TRAF3: variants seen among roughly 807,000 people sequenced by gnomAD.
The protein encoded by TRAF3 is TNF receptor-associated factor 3.
In TRAF3, 13 loss-of-function variants were observed where a neutral mutation model predicts 62.3. The observed-to-expected ratio is 0.21, with a 90% CI of 0.14 to 0.33. TRAF3 has a LOEUF of 0.33. Ranked by LOEUF, TRAF3 falls within the 10% of genes least tolerant of loss-of-function variation. The pLI, the probability that TRAF3 is intolerant of heterozygous loss-of-function variation, is 1.00. For synonymous variants in TRAF3, 269 were observed against 283.4 expected (o/e 0.95, Z 0.51); for missense variants, 440 against 741.8 (o/e 0.59, Z 4.73).
At chr14:102,881,395 C>CAAAAAAAAAAAAAA (rs57546209) in intron 6 of TRAF3, among the ~76,000 whole-genome samples, 3 of 117,434 alleles carry the variant, frequency 2.6e-5, no homozygotes, top group African/African-American at 2.7e-5. Flanking sequence ...ACAACAAAAA[C>CAAAAAAAAAAAAAA]AAAAAAAAAA....
intron 9 of TRAF3, 103 bp from the exon 10 acceptor site, chr14:102,897,158 A>G (rs1048724420): frequency 2.0e-5 from 22 of 1,076,360 alleles, no homozygotes; most frequent in African/African-American, 6.4e-5. Flanking sequence ...AACTCTGTCA[A>G]TAAGCTAACA....
chr14:102,868,094 C>T (rs957911731), intron 2 of TRAF3, among the ~76,000 whole-genome samples: 3 of 152,170 alleles, frequency 2.0e-5, no homozygotes, highest in African/African-American at 4.8e-5. Flanking sequence ...CCCAGGAGCT[C>T]AGGGGTGGAA....
chr14:102,820,614 A>ATTTTT (rs57149106), intron 1 of TRAF3, among the ~76,000 whole-genome samples: 3 of 17,916 alleles, frequency 1.7e-4, no homozygotes, highest in African/African-American at 1.2e-3. Context: ...ATATATATAT[A>ATTTTT]TTTTTTTTTT....
At chr14:102,887,626 G>T (rs943492023) in intron 7 of TRAF3, among the ~76,000 whole-genome samples, 1 of 151,168 alleles carries the variant, frequency 6.6e-6, no homozygotes, top group African/African-American at 2.4e-5. Context: ...ACGGAGTCTC[G>T]CTCTGTCACT....
At chr14:102,812,835 C>T (rs957738583) in intron 1 of TRAF3, among the ~76,000 whole-genome samples, 4 of 151,706 alleles carry the variant, frequency 2.6e-5, no homozygotes, top group Non-Finnish European at 4.4e-5. Flanking sequence ...AGGAGAATGG[C>T]GTGAACCCAG....
intron 10 of TRAF3, among the ~76,000 whole-genome samples, chr14:102,900,928 T>G (rs1349459496): frequency 6.6e-6 from 1 of 152,230 alleles, no homozygotes; most frequent in Non-Finnish European, 1.5e-5. Context: ...TTATAGAAAC[T>G]GCAGTGACTG....
At chr14:102,866,663 G>A (rs1280612255) in intron 2 of TRAF3, among the ~76,000 whole-genome samples, 1 of 152,048 alleles carries the variant, frequency 6.6e-6, no homozygotes, top group East Asian at 1.9e-4. Context: ...GGGGAACATA[G>A]CGAGACCCCC....
intron 1 of TRAF3, among the ~76,000 whole-genome samples, chr14:102,815,771 A>G (rs1052551417): frequency 6.6e-6 from 1 of 152,190 alleles, no homozygotes; most frequent in Non-Finnish European, 1.5e-5. Context: ...ATCAAGGCAG[A>G]CGGGGAAGCA....
Position 102,777,515 on chromosome 14 carries a change from G to T in TRAF3, c.-317G>T, listed in dbSNP as rs1362634651. On this transcript the variant is annotated 5_prime_UTR_variant, in exon 1 of 12. Transcript: ENST00000392745. ...GCGGCCGCCGCGTGCGCGAGCCGGG[G>T]TTGCAGCCCAGCCGGGACTTTCCAG... The T allele has an allele frequency of 6.9e-6, 1 of 144,888 alleles. No individual in the cohort carries two copies. Among genetic ancestry groups the T allele is most frequent in the Admixed American group, 6.8e-5 (1 of 14,708 alleles). The allele number at this position is 144,888 out of a possible 1,614,324, so 9.0% of individuals were successfully genotyped here. A position where few individuals can be genotyped will look rare whatever the true frequency, so the allele number is the denominator to read the frequency against.
chr14:102,865,242 C>G (rs1462773496), intron 2 of TRAF3, among the ~76,000 whole-genome samples: 5 of 152,110 alleles, frequency 3.3e-5, no homozygotes. Flanking sequence ...CTGTGGCCAC[C>G]TCATTGATAT....
chr14:102,877,381 C>G lies in TRAF3; in HGVS notation c.570+856C>G, dbSNP rs182219589. Among the ~76,000 whole-genome samples, 894 of 146,592 alleles carry G rather than the reference C, an allele frequency of 6.1e-3. 35 individuals are homozygous for G. The highest frequency in any genetic ancestry group is 0.058 in the Admixed American group (856 of 14,780). On this transcript the variant is annotated intron_variant, in intron 6 of 11. Transcript: ENST00000392745. ...TAATCCATTCCACAGGCCTTCCGCT[C>G]AATTCATAGATAATCCGTTCCACAG...
rs2295402 is a variant in TRAF3, at chr14:102,871,987, T to A, written c.297+19T>A. On this transcript the variant is annotated intron_variant, in intron 4 of 11. Transcript: ENST00000392745. ...AGATAAGGTATTCTGGGGTTTTTTT[T>A]AATCATTTTGTCACATGTTTTCAGC... is the stretch of plus-strand genomic sequence containing the variant. 0.23 allele frequency: 368,406 copies of A among 1,612,234 alleles called. 53,729 individuals are homozygous for A. Among genetic ancestry groups the A allele is most frequent in the African/African-American group, 0.69 (51,451 of 74,908 alleles).
At position 102,889,050 on chromosome 14, in the gene TRAF3, T is replaced by C. The variant is rs575156897; in HGVS notation, c.652-510T>C. Among the ~76,000 whole-genome samples the C allele has an allele frequency of 8.9e-4, 135 of 152,330 alleles. 3 individuals carry two copies. The South Asian group carries it at 0.026, about 30-fold the overall frequency. ...GGCCCTTACAGAGGGAAAAAGTCTT[T>C]TCAGATGAAGGAAAAACTCATCTGC... On this transcript the variant is annotated intron_variant, in intron 7 of 11. Transcript: ENST00000392745.
chr14:102,859,251 C>T (rs1595369011), intron 2 of TRAF3, among the ~76,000 whole-genome samples: 2 of 150,612 alleles, frequency 1.3e-5, no homozygotes, highest in South Asian at 4.2e-4. Flanking sequence ...AAACACATTT[C>T]ACTTTCCCTA....
At chr14:102,784,285 C>T (rs867008402) in intron 1 of TRAF3, among the ~76,000 whole-genome samples, 30 of 143,940 alleles carry the variant, frequency 2.1e-4, no homozygotes, top group Non-Finnish European at 3.7e-4. Flanking sequence ...TGCAGTGGCA[C>T]GATCTCGACT....
At chr14:102,902,869 G>A (rs1215546637) in intron 10 of TRAF3, among the ~76,000 whole-genome samples, 1 of 152,132 alleles carries the variant, frequency 6.6e-6, no homozygotes, top group Non-Finnish European at 1.5e-5. Flanking sequence ...AGCCTGCTGT[G>A]GGCAGCAGAA....
At chr14:102,850,187 T>C (rs1227956036) in intron 2 of TRAF3, among the ~76,000 whole-genome samples, 2 of 152,202 alleles carry the variant, frequency 1.3e-5, no homozygotes, top group Admixed American at 1.3e-4. Flanking sequence ...ACCTCTTTGC[T>C]GTACTAGGTA....
At chr14:102,782,909 G>A (rs1385864754) in intron 1 of TRAF3, among the ~76,000 whole-genome samples, 3 of 152,060 alleles carry the variant, frequency 2.0e-5, no homozygotes, top group Non-Finnish European at 4.4e-5. Context: ...AACCAAGTGG[G>A]GTAATATAAT....
At chr14:102,904,200 C>T (rs1390672500) in intron 11 of TRAF3, among the ~76,000 whole-genome samples, 1 of 152,234 alleles carries the variant, frequency 6.6e-6, no homozygotes, top group Non-Finnish European at 1.5e-5. Context: ...CCAGGACATC[C>T]CCTGTCAGCA....
Sources: gnomAD v4.1 joint callset for allele counts (sites outside exome capture counted in the v4.1 genomes callset) on GRCh38, gnomAD v4.1.1 for gene constraint, MANE v1.5 for transcripts, NCBI Gene and HGNC (gene_info 2026-07-23, HGNC 2026-07-21) for gene names.